TENM3: variants seen among roughly 807,000 people sequenced by gnomAD.
TENM3 encodes teneurin transmembrane protein 3.
In TENM3, 63 loss-of-function variants were observed where a neutral mutation model predicts 255.1. The observed-to-expected ratio is 0.25, with a 90% CI of 0.20 to 0.30. The LOEUF is 0.30. TENM3 is among the 10% of genes least tolerant of loss of function. The pLI, the probability that TENM3 is intolerant of heterozygous loss-of-function variation, is 1.00. For synonymous variants in TENM3, 1,306 were observed against 1,322.3 expected, an observed-to-expected ratio of 0.99 and a Z score of 0.27; for missense variants, 2,929 against 3,461.1, an observed-to-expected ratio of 0.85 and a Z score of 3.86.
chr4:181,509,273 T>C, the TENM3 span, among the ~76,000 whole-genome samples: 1 of 152,192 alleles, frequency 6.6e-6, no homozygotes, highest in African/African-American at 2.4e-5. Context: ...GGGTGAATTA[T>C]CAGAGACAAT....
chr4:182,272,345 T>C (rs904858084), intron 1 of TENM3, among the ~76,000 whole-genome samples: 9 of 152,216 alleles, frequency 5.9e-5, no homozygotes, highest in African/African-American at 2.2e-4. Context: ...CATTGCTCTT[T>C]GGAAAAACCA....
At chr4:182,122,284 A>G in the TENM3 span, among the ~76,000 whole-genome samples, 3 of 152,198 alleles carry the variant, frequency 2.0e-5, no homozygotes, top group African/African-American at 4.8e-5. Context: ...TGAATCTCAA[A>G]TGTTCTTAAT....
At chr4:181,792,348 C>T in the TENM3 span, among the ~76,000 whole-genome samples, 24 of 152,174 alleles carry the variant, frequency 1.6e-4, no homozygotes, top group African/African-American at 5.5e-4. Flanking sequence ...TCATGAAAGT[C>T]ATAGAATGTT....
At chr4:181,685,654 A>G in the TENM3 span, among the ~76,000 whole-genome samples, 1 of 152,146 alleles carries the variant, frequency 6.6e-6, no homozygotes. Flanking sequence ...AATCATACCT[A>G]AAGAGCAAGC....
At chr4:181,912,004 T>C in the TENM3 span, among the ~76,000 whole-genome samples, 4 of 152,236 alleles carry the variant, frequency 2.6e-5, no homozygotes, top group African/African-American at 9.6e-5. Context: ...AGAATCTTTG[T>C]ACCTCAAGTG....
the TENM3 span, among the ~76,000 whole-genome samples, chr4:181,918,863 G>A: frequency 6.6e-6 from 1 of 151,992 alleles, no homozygotes; most frequent in East Asian, 1.9e-4. Flanking sequence ...TTCCTCAAAA[G>A]GCTTGCAACG....
chr4:181,636,183 C>A, the TENM3 span, among the ~76,000 whole-genome samples: 1 of 152,050 alleles, frequency 6.6e-6, no homozygotes, highest in Non-Finnish European at 1.5e-5. Flanking sequence ...GTAGCTGGGA[C>A]TACAGGTGCG....
the TENM3 span, among the ~76,000 whole-genome samples, chr4:181,657,801 TATA>T: frequency 2.5e-4 from 1 of 4,014 alleles, no homozygotes; most frequent in African/African-American, 3.2e-4. Flanking sequence ...TGCAACTATA[TATA>T]AAAAAAAAAA....
the TENM3 span, among the ~76,000 whole-genome samples, chr4:181,743,633 A>G: frequency 6.6e-6 from 1 of 152,202 alleles, no homozygotes; most frequent in Admixed American, 6.5e-5. Context: ...TGGAATAGGC[A>G]GGAGTGTGGG....
intron 12 of TENM3, among the ~76,000 whole-genome samples, chr4:182,690,703 C>T (rs1252661852): frequency 6.6e-6 from 1 of 152,168 alleles, no homozygotes; most frequent in Non-Finnish European, 1.5e-5. Context: ...TTCAACAAAT[C>T]ATTTTAGTGT....
the TENM3 span, among the ~76,000 whole-genome samples, chr4:181,651,123 T>C: frequency 6.6e-6 from 1 of 152,228 alleles, no homozygotes; most frequent in African/African-American, 2.4e-5. Flanking sequence ...ATTTAACCTA[T>C]GGTTGATGAG....
chr4:182,105,392 A>G, the TENM3 span, among the ~76,000 whole-genome samples: 2 of 152,194 alleles, frequency 1.3e-5, no homozygotes, highest in Non-Finnish European at 2.9e-5. Flanking sequence ...TAAAAGGAAT[A>G]GTCAACACAA....
At chr4:181,649,155 A>G in the TENM3 span, among the ~76,000 whole-genome samples, 12 of 152,174 alleles carry the variant, frequency 7.9e-5, no homozygotes, top group African/African-American at 1.9e-4. Flanking sequence ...GAATTTTCCA[A>G]TCTTTGAAAA....
chr4:182,749,301 A>G (rs138672732), intron 19 of TENM3, among the ~76,000 whole-genome samples: 8 of 152,354 alleles, frequency 5.3e-5, no homozygotes, highest in Non-Finnish European at 7.3e-5. Flanking sequence ...TTATAACAGC[A>G]GAAGTAAAAA....
chr4:181,896,344 G>T, the TENM3 span, among the ~76,000 whole-genome samples: 1 of 152,170 alleles, frequency 6.6e-6, no homozygotes, highest in African/African-American at 2.4e-5. Flanking sequence ...AAATGAAAGT[G>T]TTGAATAAGC....
chr4:182,436,960 G>A (rs1225663990), intron 3 of TENM3, among the ~76,000 whole-genome samples: 3 of 151,314 alleles, frequency 2.0e-5, no homozygotes, highest in African/African-American at 7.3e-5. Flanking sequence ...CCCAGGAGGC[G>A]GAGGTTACAG....
At chr4:181,968,186 T>C in the TENM3 span, among the ~76,000 whole-genome samples, 1 of 152,184 alleles carries the variant, frequency 6.6e-6, no homozygotes, top group Non-Finnish European at 1.5e-5. Flanking sequence ...GTTTACCAGG[T>C]GTGAGACCTC....
At chr4:181,814,414 C>A in the TENM3 span, among the ~76,000 whole-genome samples, 9 of 152,114 alleles carry the variant, frequency 5.9e-5, no homozygotes, top group Non-Finnish European at 8.8e-5. Context: ...AAAACACAAA[C>A]TTTGTGAGCA....
At chr4:182,490,582 T>C (rs1383924176) in intron 3 of TENM3, among the ~76,000 whole-genome samples, 4 of 152,178 alleles carry the variant, frequency 2.6e-5, no homozygotes, top group Non-Finnish European at 1.5e-5. Context: ...AATTTTTGAC[T>C]TCATGGAAAA....
Sources: gnomAD v4.1 joint callset for allele counts (sites outside exome capture counted in the v4.1 genomes callset) on GRCh38, gnomAD v4.1.1 for gene constraint, MANE v1.5 for transcripts, NCBI Gene and HGNC (gene_info 2026-07-23, HGNC 2026-07-21) for gene names.